The following C4orf50 variants were observed in gnomAD, a reference collection of about 807,000 sequenced individuals.
The protein encoded by C4orf50 is chromosome 4 open reading frame 50.
A neutral mutation model predicts 77.2 loss-of-function variants in C4orf50; 80 were observed. That is an observed-to-expected ratio of 1.04 (90% CI 0.87 to 1.25). The LOEUF (loss-of-function observed/expected upper bound fraction) is 1.25, where lower values mean the gene tolerates loss of function less well. Among genes scored for constraint, C4orf50 ranks in the 50% most tolerant of loss-of-function variants. C4orf50 has a pLI of 0.00. For missense variants in C4orf50, 1,257 were observed against 1,152.9 expected (o/e 1.09, Z -1.31); for synonymous variants, 532 against 465.3 (o/e 1.14, Z -1.84).
intron 25 of C4orf50, among the ~76,000 whole-genome samples, chr4:5,997,048 G>T (rs534079178): frequency 6.6e-6 from 1 of 152,200 alleles, no homozygotes; most frequent in East Asian, 1.9e-4. Flanking sequence ...CAAAGGAAAA[G>T]GAGAGGGAAT....
At chr4:5,991,850 G>A (rs908960067) in intron 27 of C4orf50, among the ~76,000 whole-genome samples, 2 of 152,196 alleles carry the variant, frequency 1.3e-5, no homozygotes, top group Admixed American at 6.5e-5. Context: ...CCTGCCTGGA[G>A]GGGCCACCGC....
chr4:5,994,109 G>C (rs73196030), intron 26 of C4orf50, among the ~76,000 whole-genome samples: 2 of 152,130 alleles, frequency 1.3e-5, no homozygotes, highest in African/African-American at 4.8e-5. Context: ...GTGAGCCTGT[G>C]TTCAGCTGAG....
chr4:5,960,314 G>T (rs1348522336), intron 33 of C4orf50, among the ~76,000 whole-genome samples: 1 of 152,142 alleles, frequency 6.6e-6, no homozygotes, highest in Non-Finnish European at 1.5e-5. Context: ...TCCCGCAAAT[G>T]ACAGGCAGGA....
intron 7 of C4orf50, among the ~76,000 whole-genome samples, chr4:5,929,987 T>C (rs1717694423): frequency 6.6e-6 from 1 of 152,246 alleles, no homozygotes; most frequent in South Asian, 2.1e-4. Flanking sequence ...TATGCCCTCG[T>C]GAATGTATTT....
intron 23 of C4orf50, among the ~76,000 whole-genome samples, chr4:6,013,373 CCTTT>C (rs1413588754): frequency 4.6e-5 from 7 of 152,112 alleles, no homozygotes; most frequent in African/African-American, 1.7e-4. Context: ...AAAACAAAAG[CCTTT>C]CTTTCTAGTT....
At chr4:5,994,166 T>G (rs550107914) in intron 26 of C4orf50, among the ~76,000 whole-genome samples, 181 bp downstream of exon 4, 1 of 152,328 alleles carries the variant, frequency 6.6e-6, no homozygotes, top group Non-Finnish European at 1.5e-5. Flanking sequence ...TGATCCCACC[T>G]GCAGCAGCTG....
rs1719844594 is a variant in C4orf50, at chr4:5,970,443, A to G, written c.4105-2981T>C. Among the ~76,000 whole-genome samples the G allele has an allele frequency of 6.6e-6, 1 of 152,130 alleles. No homozygotes were observed. The highest frequency in any genetic ancestry group is 6.5e-5 in the Admixed American group (1 of 15,278). ...TCCCCAAAACAGGCACCTGAGCTGG[A>G]CAGAATCAGCAGAGTAGGAGGAGGG... On this transcript the variant is annotated intron_variant, in intron 31 of 33. Transcript: ENST00000531445. This position sits in a 1 kb window ranked among gnomAD's most constrained non-coding sequence, Gnocchi z 4.3.
intron 7 of C4orf50, among the ~76,000 whole-genome samples, chr4:5,941,134 C>T (rs1394089541): frequency 6.6e-6 from 1 of 152,174 alleles, no homozygotes; most frequent in Non-Finnish European, 1.5e-5. Flanking sequence ...TATCTTCTTT[C>T]TTCTAATTAA....
chr4:5,929,355 T>C (rs1282997798), intron 7 of C4orf50, among the ~76,000 whole-genome samples: 1 of 152,216 alleles, frequency 6.6e-6, no homozygotes, highest in African/African-American at 2.4e-5. Flanking sequence ...CGGGAAGTTA[T>C]GTAAATATTC....
In C4orf50 at chr4:5,965,075, AG is replaced by A; in HGVS notation, c.4223del (p.Pro1408LeufsTer17). The A allele has an allele frequency of 6.2e-7, 1 of 1,613,594 alleles. No homozygotes were observed. Among genetic ancestry groups the A allele is most frequent in the Non-Finnish European group, 8.5e-7 (1 of 1,179,584 alleles). ...GTGCTGGCCACTCCGGCTCGGGAAT[AG>A]GCCAGGACTCTGAAGACAATGAGCT... is the stretch of plus-strand genomic sequence containing the variant. On this transcript the variant is annotated frameshift_variant, in exon 33 of 34. Coordinates refer to ENST00000531445, the Ensembl canonical transcript of C4orf50. LOFTEE classifies it high-confidence loss of function.
intron 23 of C4orf50, among the ~76,000 whole-genome samples, chr4:6,012,812 G>C (rs1013447551): frequency 6.6e-6 from 1 of 152,202 alleles, no homozygotes; most frequent in African/African-American, 2.4e-5. Flanking sequence ...TGCAAAGACT[G>C]GCCTGTCTCC....
intron 31 of C4orf50, among the ~76,000 whole-genome samples, chr4:5,971,313 A>C (rs1306577142): frequency 1.3e-5 from 2 of 152,104 alleles, no homozygotes; most frequent in African/African-American, 4.8e-5. Flanking sequence ...CAGTAGGAGG[A>C]GTGGCCAGCG....
rs1489265362 is a variant in C4orf50 at position 5,900,804 on chromosome 4, G to A, written c.*2475-2616C>T. The A allele has an allele frequency of 1.3e-5, 2 of 152,234 alleles. No individual in the cohort carries two copies. Among genetic ancestry groups the A allele is most frequent in the Non-Finnish European group, 2.9e-5 (2 of 68,042 alleles). 9.4% of individuals were successfully genotyped at this position (152,234 alleles called of 1,614,324 possible). A position where few individuals can be genotyped will look rare whatever the true frequency, so the allele number is the denominator to read the frequency against. On this transcript the variant is annotated intron_variant, in intron 7 of 7. Coordinates refer to the C4orf50 transcript ENST00000324058. This position sits in a 1 kb window ranked among gnomAD's most constrained non-coding sequence, Gnocchi z 4.3. ...AGGATGCTTACACTAGATGAAGTCT[G>A]AGGCTGTCTCCAGCTCCAACAATGG...
At chr4:5,967,207 C>T (rs1387723592) in intron 32 of C4orf50, among the ~76,000 whole-genome samples, 1 of 152,134 alleles carries the variant, frequency 6.6e-6, no homozygotes, top group Non-Finnish European at 1.5e-5. Context: ...GGAATTTGAA[C>T]GTTTCTGTTT....
chr4:5,980,919 C>T (rs16838003), intron 28 of C4orf50, among the ~76,000 whole-genome samples: 2,778 of 152,158 alleles, frequency 0.018, 50 homozygotes, highest in African/African-American at 0.046. Flanking sequence ...ATGAGATTAG[C>T]GGGTTTCATT....
chr4:6,004,322 T>TG, intron 25 of C4orf50, among the ~76,000 whole-genome samples: 2 of 80,670 alleles, frequency 2.5e-5, no homozygotes, highest in Non-Finnish European at 5.0e-5. Context: ...GATGTGATCG[T>TG]AATGGTGATG....
At position 6,008,362 on chromosome 4, in the gene C4orf50, C is replaced by T. The variant is rs1217932585; in HGVS notation, c.597G>A (p.Arg199=). ...TGCGCTCCAGCCGCTGCACCTGCTC[C>T]CGCAGGACGCGCTCCTGCTCCCGCA... Residue 199 remains arginine, a synonymous_variant, in exon 25 of 34, where the codon CGG becomes CGA. Coordinates refer to ENST00000531445, the Ensembl canonical transcript of C4orf50. The surrounding 1 kb of genome is among the most constrained non-coding windows in gnomAD (Gnocchi z 6.0). 1.0e-5 allele frequency: 4 copies of T among 391,778 alleles called. No individual in the cohort carries two copies. Among genetic ancestry groups the T allele is most frequent in the Admixed American group, 4.5e-5 (1 of 22,456 alleles). The allele number at this position is 391,778 out of a possible 1,614,324, so 24.3% of individuals were successfully genotyped here.
chr4:5,989,924 C>T, exon 28 of C4orf50: 20 of 1,427,490 alleles, frequency 1.4e-5, no homozygotes, highest in Non-Finnish European at 1.8e-5. Flanking sequence ...CCAAGCCACA[C>T]TTGGTTTTCC....
In C4orf50 at chr4:5,968,561, G is replaced by T. The variant is rs540451832; in HGVS notation, c.4105-1099C>A. ...CAAGTACCCTGGACTCTCCCACCCC[G>T]GTGCCTGTGTCCACTCAGGTCCCGC... is the stretch of plus-strand genomic sequence containing the variant. On this transcript the variant is annotated intron_variant, in intron 31 of 33. Coordinates refer to ENST00000531445, the Ensembl canonical transcript of C4orf50. Among the ~76,000 whole-genome samples the T allele has an allele frequency of 4.6e-5, 7 of 152,218 alleles. 1 individual carries two copies. The highest frequency in any genetic ancestry group is 1.7e-4 in the African/African-American group (7 of 41,540).
Sources: gnomAD v4.1 joint callset for allele counts (sites outside exome capture counted in the v4.1 genomes callset) on GRCh38, gnomAD v4.1.1 for gene constraint, Gnocchi (gnomAD v3.1) non-coding constraint, MANE v1.5 for transcripts, NCBI Gene and HGNC (gene_info 2026-07-23, HGNC 2026-07-21) for gene names.